Variants in MROH1 observed in about 807,000 individuals in gnomAD.
MROH1 encodes maestro heat-like repeat-containing protein family member 1.
MROH1 carries 117 observed loss-of-function variants against 116.5 expected under a neutral mutation model. The observed-to-expected ratio is 1.00, with a 90% CI of 0.86 to 1.17. The LOEUF is 1.17. Ranked by LOEUF, MROH1 falls within the 50% of genes most tolerant of loss-of-function variation. MROH1 has a pLI of 0.00. For synonymous variants in MROH1, 921 were observed against 583.9 expected, an observed-to-expected ratio of 1.58 and a Z score of -8.32; for missense variants, 1,873 against 1,338.5, an observed-to-expected ratio of 1.40 and a Z score of -6.23.
In MROH1 at chr8:144,179,464, C is replaced by G. The variant is rs1453983620; in HGVS notation, c.178C>G (p.Pro60Ala). The stretch of plus-strand genomic sequence containing the variant: ...CGGTGTCTCTCCGCAGCTGGCACAC[C>G]CATACCGAGCAGCGGTCCTGAGGGC... ...YLRQHDKLAH[P>A]YRAAVLRAME... Residue 60 changes from proline (P) to alanine (A), a missense_variant, in exon 5 of 44, where the codon CCA becomes GCA. By Grantham distance (27) the Pro-to-Ala change is conservative. Transcript: ENST00000326134. The G allele has an allele frequency of 2.5e-6, 4 of 1,613,316 alleles. No homozygotes were observed. Among genetic ancestry groups the G allele is most frequent in the Non-Finnish European group, 3.4e-6 (4 of 1,179,814 alleles).
At chr8:144,184,573 A>G (rs1826474574) in intron 7 of MROH1, among the ~76,000 whole-genome samples, 1 of 152,238 alleles carries the variant, frequency 6.6e-6, no homozygotes, top group Admixed American at 6.5e-5. Flanking sequence ...CAGTCTAGAA[A>G]CAAAACTGTA....
At chr8:144,208,547 C>T (rs572995382) in intron 12 of MROH1, among the ~76,000 whole-genome samples, 3 of 152,028 alleles carry the variant, frequency 2.0e-5, no homozygotes, top group Non-Finnish European at 4.4e-5. Flanking sequence ...CCAGTGTGAC[C>T]CCCTCTCAAC....
rs758998811 is a variant in MROH1 at position 144,179,529 on chromosome 8, C to G, written c.243C>G (p.Asp81Glu). 1.9e-6 allele frequency: 3 copies of G among 1,613,516 alleles called. No individual in the cohort carries two copies. The East Asian group carries it at 6.7e-5, about 36-fold the overall frequency. Residue 81 changes from aspartate to glutamate, a missense_variant, in exon 5 of 44, where the codon GAC (aspartate) becomes GAG (glutamate). Physicochemically the swap from Asp to Glu is conservative, Grantham distance 45. Transcript: ENST00000326134. ...RVLSSRASEL[D>E]KDTASTIILL... Reference sequence around the variant, plus strand: ...TGAGCAGTCGCGCCAGTGAGCTGGACAAGGACACAGCCAGCACCATCATCC... The same window carrying G: ...TGAGCAGTCGCGCCAGTGAGCTGGAGAAGGACACAGCCAGCACCATCATCC...
At chr8:144,172,466 C>T (rs916399746) in intron 4 of MROH1, among the ~76,000 whole-genome samples, 1 of 150,638 alleles carries the variant, frequency 6.6e-6, no homozygotes, top group African/African-American at 2.5e-5. Context: ...AGCTGGAGGG[C>T]AATGGCGCGA....
intron 13 of MROH1, among the ~76,000 whole-genome samples, chr8:144,222,304 G>A (rs1377161513): frequency 6.6e-6 from 1 of 152,152 alleles, no homozygotes; most frequent in Non-Finnish European, 1.5e-5. Flanking sequence ...GCAGCTTGAT[G>A]GAAGTGGATG....
chr8:144,168,414 G>T lies in MROH1; in HGVS notation c.142G>T (p.Glu48Ter). The T allele has an allele frequency of 6.2e-7, 1 of 1,610,782 alleles. No individual in the cohort carries two copies. ...GCCGGTGGAGACGCTCCGTGCCTGC[G>T]AGGAGTATCTGCGGCAGCATGACAA... ...ARPVETLRAC[E>*]EYLRQHDKLA... Residue 48 changes from glutamate (E) to a stop codon, truncating the protein, a stop_gained, in exon 4 of 44, where the codon GAG becomes TAG. Transcript: ENST00000326134. LOFTEE classifies it high-confidence loss of function.
At chr8:144,209,656 C>G (rs1213047385) in intron 12 of MROH1, among the ~76,000 whole-genome samples, 2 of 151,350 alleles carry the variant, frequency 1.3e-5, no homozygotes, top group Non-Finnish European at 2.9e-5. Flanking sequence ...CACCTGTAAT[C>G]CTAGCACTTT....
chr8:144,187,191 G>A (rs1308713309), intron 7 of MROH1, among the ~76,000 whole-genome samples: 1 of 151,962 alleles, frequency 6.6e-6, no homozygotes, highest in Non-Finnish European at 1.5e-5. Flanking sequence ...TGGTTGGATC[G>A]CTTGAACCCA....
chr8:144,158,883 C>T (rs546595594), intron 1 of MROH1, among the ~76,000 whole-genome samples: 12 of 152,010 alleles, frequency 7.9e-5, no homozygotes, highest in African/African-American at 1.9e-4. Flanking sequence ...GGACTACAGG[C>T]GCACGCCACC....
chr8:144,153,298 G>A (rs994472327), intron 1 of MROH1, among the ~76,000 whole-genome samples: 3 of 151,918 alleles, frequency 2.0e-5, no homozygotes, highest in Non-Finnish European at 4.4e-5. Context: ...CTGGGTTCAA[G>A]CAATTCACTT....
intron 26 of MROH1, 57 bp downstream of exon 26, chr8:144,243,999 G>A: frequency 1.3e-6 from 1 of 760,592 alleles, no homozygotes; most frequent in East Asian, 2.5e-5. Context: ...GTGCATGTGT[G>A]TGCATTGTGT....
intron 12 of MROH1, among the ~76,000 whole-genome samples, chr8:144,206,190 C>T (rs1232146387): frequency 6.6e-6 from 1 of 151,990 alleles, no homozygotes; most frequent in Non-Finnish European, 1.5e-5. Flanking sequence ...GCTGGGACTG[C>T]AGGAGTGTAC....
At chr8:144,231,715 G>A (rs1044723412) in intron 14 of MROH1, among the ~76,000 whole-genome samples, 5 of 152,162 alleles carry the variant, frequency 3.3e-5, no homozygotes, top group Non-Finnish European at 7.3e-5. Context: ...TTCCAAGAAT[G>A]AGCAAAATGT....
chr8:144,254,253 C>G (rs1008942453), intron 33 of MROH1, among the ~76,000 whole-genome samples: 2 of 152,240 alleles, frequency 1.3e-5, no homozygotes, highest in Admixed American at 6.5e-5. Context: ...AATATGTCCA[C>G]TGAGTACATT....
intron 35 of MROH1, among the ~76,000 whole-genome samples, chr8:144,258,145 C>G (rs962091152): frequency 6.6e-6 from 1 of 152,248 alleles, no homozygotes; most frequent in Admixed American, 6.5e-5. Context: ...GTTTCTGGCC[C>G]AGCCACTGCC....
intron 10 of MROH1, among the ~76,000 whole-genome samples, chr8:144,195,109 C>T (rs760699086): frequency 1.4e-5 from 2 of 144,122 alleles, no homozygotes; most frequent in African/African-American, 2.6e-5. Context: ...GTGGGAGGAT[C>T]GCTTGAGCCC....
rs1194991914 is a variant in MROH1 at position 144,178,132 on chromosome 8, G to GT, written c.169-1317dup. The stretch of plus-strand genomic sequence containing the variant: ...CGGCCACTGTGACTGGGTAATTTTT[G>GT]TTTTTTGTGTTTTTTTTTTGAGACA... On this transcript the variant is annotated intron_variant, in intron 4 of 43. Transcript: ENST00000326134. Among the ~76,000 whole-genome samples the GT allele has an allele frequency of 2.8e-5, 4 of 145,128 alleles. No individual in the cohort carries two copies. The South Asian group carries it at 8.9e-4, about 32-fold the overall frequency.
At position 144,180,899 on chromosome 8, in the gene MROH1, A is replaced by T. The variant is rs1051849693; in HGVS notation, c.562+376A>T. Among the ~76,000 whole-genome samples the T allele has an allele frequency of 1.3e-5, 2 of 151,752 alleles. No individual in the cohort carries two copies. Among genetic ancestry groups the T allele is most frequent in the African/African-American group, 4.8e-5 (2 of 41,282 alleles). ...GGACCCAGGGGATGGGGGCACATTC[A>T]TTCACCCCCACCCTCTGCCAGGAGC... On this transcript the variant is annotated intron_variant, in intron 7 of 43. Transcript: ENST00000326134. This position sits in a 1 kb window ranked among gnomAD's most constrained non-coding sequence, Gnocchi z 7.4.
intron 7 of MROH1, among the ~76,000 whole-genome samples, chr8:144,185,625 C>A (rs541436995): frequency 3.7e-3 from 3 of 816 alleles, no homozygotes; most frequent in Non-Finnish European, 5.4e-3. Context: ...CCGCGGGGGG[C>A]GGTGAGGGCC....
Sources: allele counts gnomAD v4.1 joint callset (sites outside exome capture counted in the v4.1 genomes callset), GRCh38; gene constraint gnomAD v4.1.1; non-coding constraint Gnocchi (gnomAD v3.1); transcripts MANE v1.5; gene names NCBI Gene and HGNC (gene_info 2026-07-23, HGNC 2026-07-21).